WDFY4: variants seen among roughly 807,000 people sequenced by gnomAD.
The protein encoded by WDFY4 is WD repeat- and FYVE domain-containing protein 4.
In WDFY4, 169 loss-of-function variants were observed where a neutral mutation model predicts 351.9. That is an observed-to-expected ratio of 0.48 (90% CI 0.42 to 0.55). The LOEUF (loss-of-function observed/expected upper bound fraction) is 0.55. WDFY4 is among the 20% of genes least tolerant of loss of function. The pLI is 0.00. For synonymous variants in WDFY4, 1,622 were observed against 1,574.6 expected, an observed-to-expected ratio of 1.03 and a Z score of -0.71; for missense variants, 3,803 against 3,935.6, an observed-to-expected ratio of 0.97 and a Z score of 0.90.
At chr10:48,850,408 C>T (rs528655580) in intron 39 of WDFY4, among the ~76,000 whole-genome samples, 9 of 152,108 alleles carry the variant, frequency 5.9e-5, no homozygotes, top group Non-Finnish European at 7.3e-5. Context: ...ATCCATTAAG[C>T]CCATTAAGTT....
intron 60 of WDFY4, among the ~76,000 whole-genome samples, chr10:48,981,158 T>G (rs1842788556): frequency 6.6e-6 from 1 of 152,222 alleles, no homozygotes; most frequent in South Asian, 2.1e-4. Flanking sequence ...CGTCAGCACA[T>G]GTAACTATCA....
chr10:48,788,515 GA>G lies in WDFY4; in HGVS notation c.3809-14del. 2 of 1,550,582 alleles carry G rather than the reference GA, an allele frequency of 1.3e-6. No homozygotes were observed. Among genetic ancestry groups the G allele is most frequent in the Non-Finnish European group, 1.7e-6 (2 of 1,146,236 alleles). ...TAAAGTTAGACTAGAAATGTTTAAA[GA>G]TGTGTTGTTACAGGGGAGGACCTGG... is the stretch of plus-strand genomic sequence containing the variant. On this transcript the variant is annotated splice_polypyrimidine_tract_variant and intron_variant, in intron 20 of 61. Transcript: ENST00000325239.
chr10:48,930,573 G>A (rs868661603), intron 47 of WDFY4, among the ~76,000 whole-genome samples: 2 of 152,178 alleles, frequency 1.3e-5, no homozygotes, highest in Non-Finnish European at 2.9e-5. Flanking sequence ...ACTCTGGGAA[G>A]AGGTGGGACT....
chr10:48,755,886 G>A (rs1486374833), intron 12 of WDFY4, among the ~76,000 whole-genome samples: 1 of 152,058 alleles, frequency 6.6e-6, no homozygotes, highest in East Asian at 1.9e-4. Flanking sequence ...GGTATTGTTT[G>A]CTGATTGTTG....
At chr10:48,821,476 A>T (rs918752741) in intron 34 of WDFY4, among the ~76,000 whole-genome samples, 4 of 152,336 alleles carry the variant, frequency 2.6e-5, no homozygotes, top group Non-Finnish European at 5.9e-5. Context: ...ACCTCTTCCC[A>T]TAAGGGAAAC....
At chr10:48,792,207 C>T (rs2066706606) in intron 23 of WDFY4, among the ~76,000 whole-genome samples, 1 of 152,066 alleles carries the variant, frequency 6.6e-6, no homozygotes, top group African/African-American at 2.4e-5. Context: ...CTCTTTTTTT[C>T]TCCCTCAAGC....
chr10:48,785,968 C>T (rs2066392201), intron 19 of WDFY4, among the ~76,000 whole-genome samples: 1 of 152,102 alleles, frequency 6.6e-6, no homozygotes, highest in Admixed American at 6.5e-5. Flanking sequence ...TATAGTGAAC[C>T]TTTCTATCCA....
intron 47 of WDFY4, among the ~76,000 whole-genome samples, chr10:48,902,112 T>A (rs1837386913): frequency 6.6e-6 from 1 of 152,226 alleles, no homozygotes; most frequent in African/African-American, 2.4e-5. Flanking sequence ...CAGGAAGCCA[T>A]CCTCTGCCTT....
At chr10:48,717,958 T>C (rs566450465) in intron 2 of WDFY4, among the ~76,000 whole-genome samples, 243 of 152,304 alleles carry the variant, frequency 1.6e-3, no homozygotes, top group African/African-American at 5.4e-3. Flanking sequence ...TGTAACTTTA[T>C]TGGATCAGGT....
chr10:48,819,241 C>T (rs1432198924), intron 32 of WDFY4, among the ~76,000 whole-genome samples: 1 of 152,220 alleles, frequency 6.6e-6, no homozygotes, highest in Non-Finnish European at 1.5e-5. Context: ...CCCAGCCATC[C>T]TTGCCTTTTT....
At chr10:48,893,926 A>G (rs1836942073) in intron 44 of WDFY4, among the ~76,000 whole-genome samples, 1 of 152,174 alleles carries the variant, frequency 6.6e-6, no homozygotes. Context: ...CCTCTGAACT[A>G]TGGTAATGGC....
intron 13 of WDFY4, among the ~76,000 whole-genome samples, chr10:48,766,953 G>T (rs1406774959): frequency 6.6e-6 from 1 of 152,188 alleles, no homozygotes; most frequent in African/African-American, 2.4e-5. Context: ...TCTTCTAAAG[G>T]TGTGTACATT....
At chr10:48,802,753 T>A (rs1457739235) in intron 24 of WDFY4, 1 of 471,464 alleles carries the variant, frequency 2.1e-6, no homozygotes, top group South Asian at 1.5e-5. Context: ...ACACTGTGGT[T>A]TGGGCTGAAG....
chr10:48,710,612 T>C lies in WDFY4; in HGVS notation c.234+646T>C, dbSNP rs1040874029. 3.3e-5 allele frequency among the ~76,000 whole-genome samples: 5 copies of C among 152,174 alleles called. No individual in the cohort carries two copies. In the East Asian group the frequency reaches 5.8e-4, roughly 18 times the overall value. On this transcript the variant is annotated intron_variant, in intron 2 of 61. Coordinates refer to ENST00000325239, the MANE Select transcript of WDFY4 (RefSeq NM_001394531.1). The stretch of plus-strand genomic sequence containing the variant: ...AGCTTCTTTGGGAGGGAGGAGAAGA[T>C]GGTATGTCCTGACACAAGAGTCACA...
intron 45 of WDFY4, among the ~76,000 whole-genome samples, chr10:48,899,663 C>A (rs73294668): frequency 2.6e-3 from 388 of 151,798 alleles, no homozygotes; most frequent in African/African-American, 8.9e-3. Flanking sequence ...AGAGAGGAAA[C>A]AAGGGTGGGA....
rs556663177 is a variant in WDFY4, at chr10:48,949,334, T to G, written c.7977+2365T>G. On this transcript the variant is annotated intron_variant, in intron 51 of 61. Coordinates refer to ENST00000325239, the MANE Select transcript of WDFY4 (RefSeq NM_001394531.1). ...GAAAGAGCCACCTTCAGCTTTTTCC[T>G]TAGGAAAAAAGAATTTTAGCTCTCG... 2.0e-5 allele frequency among the ~76,000 whole-genome samples: 3 copies of G among 152,298 alleles called. No individual in the cohort carries two copies. In the South Asian group the frequency reaches 6.2e-4, roughly 32 times the overall value.
At chr10:48,908,334 G>GC (rs1837733623) in intron 47 of WDFY4, among the ~76,000 whole-genome samples, 1 of 152,202 alleles carries the variant, frequency 6.6e-6, no homozygotes, top group Non-Finnish European at 1.5e-5. Context: ...CATCCTAGTT[G>GC]CCCCCTGTGC....
intron 28 of WDFY4, 51 bp downstream of exon 28, chr10:48,808,009 T>A: frequency 7.0e-7 from 1 of 1,418,858 alleles, no homozygotes; most frequent in East Asian, 2.7e-5. Flanking sequence ...TCATACAGGG[T>A]GTGGCATTAA....
At chr10:48,800,442 G>C (rs1198242128) in intron 24 of WDFY4, among the ~76,000 whole-genome samples, 1 of 152,058 alleles carries the variant, frequency 6.6e-6, no homozygotes, top group Non-Finnish European at 1.5e-5. Flanking sequence ...ACAGGAAGCT[G>C]TGAGGGAGGG....
Sources: allele counts gnomAD v4.1 joint callset (sites outside exome capture counted in the v4.1 genomes callset), GRCh38; gene constraint gnomAD v4.1.1; transcripts MANE v1.5; gene names NCBI Gene and HGNC (gene_info 2026-07-23, HGNC 2026-07-21).